The following TNFRSF10D variants were observed in gnomAD, a reference collection of about 807,000 sequenced individuals.
TNFRSF10D encodes the protein tumor necrosis factor receptor superfamily member 10D.
In TNFRSF10D, 28 loss-of-function variants were observed where a neutral mutation model predicts 42.1. That is an observed-to-expected ratio of 0.66 (90% CI 0.49 to 0.91). The LOEUF is 0.91. TNFRSF10D is among the 40% of genes least tolerant of loss of function. TNFRSF10D has a pLI of 0.00. For missense variants in TNFRSF10D, 503 were observed against 486.1 expected, an observed-to-expected ratio of 1.03 and a Z score of -0.33; for synonymous variants, 186 against 189.4, an observed-to-expected ratio of 0.98 and a Z score of 0.15.
chr8:23,147,180 G>A, intron 3 of TNFRSF10D, 108 bp from the exon 4 acceptor site: 1 of 901,846 alleles, frequency 1.1e-6, no homozygotes, highest in Non-Finnish European at 1.8e-6. Context: ...TCACCAAGGA[G>A]TTCTGAGGGC....
At chr8:23,141,437 G>A (rs764462054) in intron 7 of TNFRSF10D, among the ~76,000 whole-genome samples, 8 of 151,910 alleles carry the variant, frequency 5.3e-5, no homozygotes, top group African/African-American at 1.7e-4. Flanking sequence ...CCCGGGAGGC[G>A]GAGGTTGCAG....
chr8:23,160,246 A>G (rs569237792), intron 1 of TNFRSF10D, among the ~76,000 whole-genome samples: 102 of 152,244 alleles, frequency 6.7e-4, no homozygotes, highest in African/African-American at 2.4e-3. Context: ...CTCATTGTCT[A>G]TTTCCTGGGT....
At position 23,137,713 on chromosome 8, in the gene TNFRSF10D, C is replaced by A. The variant is rs912218956; in HGVS notation, c.*157G>T. The A allele has an allele frequency of 2.2e-6, 2 of 908,136 alleles. No homozygotes were observed. Among genetic ancestry groups the A allele is most frequent in the South Asian group, 2.1e-5 (1 of 46,984 alleles). 56.3% of individuals were successfully genotyped at this position (908,136 alleles called of 1,614,324 possible). ...TATTTCATAAAAATTACTCCAAGTG[C>A]GTTAACAAAGTTCTAGGACCATTGG... On this transcript the variant is annotated 3_prime_UTR_variant, in exon 9 of 9. Transcript: ENST00000312584.
Position 23,146,999 on chromosome 8 carries a change from A to G in TNFRSF10D, c.444T>C (p.Asp148=), listed in dbSNP as rs1193077162. Residue 148 remains aspartate, a synonymous_variant, in exon 4 of 9, where the codon GAT becomes GAC. Transcript: ENST00000312584. ...VCQCEKGSFQ[D]KNSPEMCRTC... ...TCCGGCACATCTCAGGGGAGTTTTT[A>G]TCCTGGAAGCTTCCTTTTTCACACT... The G allele has an allele frequency of 2.5e-6, 4 of 1,613,124 alleles. No individual in the cohort carries two copies. Among genetic ancestry groups the G allele is most frequent in the African/African-American group, 2.7e-5 (2 of 74,176 alleles).
chr8:23,139,255 A>C (rs918803352), intron 7 of TNFRSF10D, among the ~76,000 whole-genome samples: 7 of 151,168 alleles, frequency 4.6e-5, no homozygotes, highest in Non-Finnish European at 8.8e-5. Flanking sequence ...CACAAATCAC[A>C]ACTCAGTTAC....
intron 2 of TNFRSF10D, among the ~76,000 whole-genome samples, chr8:23,151,489 C>T (rs1023658314): frequency 1.3e-5 from 2 of 152,134 alleles, no homozygotes; most frequent in Non-Finnish European, 2.9e-5. Context: ...TGGTTAAATA[C>T]ATGGTCAAGT....
At chr8:23,152,147 T>A (rs1287715725) in intron 2 of TNFRSF10D, among the ~76,000 whole-genome samples, 862 of 152,068 alleles carry the variant, frequency 5.7e-3, no homozygotes, top group African/African-American at 0.018. Flanking sequence ...TGGAGAAGGA[T>A]GTTAGGTTCA....
intron 2 of TNFRSF10D, 86 bp from the exon 3 acceptor site, chr8:23,148,637 T>A: frequency 2.1e-6 from 2 of 941,872 alleles, no homozygotes; most frequent in East Asian, 2.6e-5. Flanking sequence ...CTTTTGGCCC[T>A]CAGTGGAATC....
At chr8:23,149,074 TA>T (rs1800173788) in intron 2 of TNFRSF10D, among the ~76,000 whole-genome samples, 1 of 147,940 alleles carries the variant, frequency 6.8e-6, no homozygotes, top group Admixed American at 6.8e-5. Flanking sequence ...CCTGTAATCC[TA>T]GCTACTCGGG....
At chr8:23,146,725 G>A (rs998892766) in intron 4 of TNFRSF10D, among the ~76,000 whole-genome samples, 6 of 151,910 alleles carry the variant, frequency 3.9e-5, no homozygotes, top group Non-Finnish European at 7.4e-5. Flanking sequence ...GAACAATTCA[G>A]CCTGGACAAA....
intron 1 of TNFRSF10D, 39 bp downstream of exon 1, chr8:23,163,747 T>G: frequency 6.3e-7 from 1 of 1,597,150 alleles, no homozygotes. Flanking sequence ...CGGCGCCAGG[T>G]GCGCTCTTCC....
At chr8:23,158,706 T>A (rs112600880) in intron 1 of TNFRSF10D, among the ~76,000 whole-genome samples, 34 of 152,372 alleles carry the variant, frequency 2.2e-4, no homozygotes, top group African/African-American at 8.2e-4. Flanking sequence ...TGACTTTTTA[T>A]GCATACCTAT....
At chr8:23,156,658 G>A (rs1343541542) in intron 1 of TNFRSF10D, among the ~76,000 whole-genome samples, 5 of 151,248 alleles carry the variant, frequency 3.3e-5, no homozygotes, top group South Asian at 2.1e-4. Context: ...TCTGCCTCCC[G>A]GGCTCAAGTG....
In TNFRSF10D at chr8:23,156,740, G is replaced by T. The variant is rs575154203; in HGVS notation, c.151-1761C>A. ...GTGCCCCAATGCCTGGGCTAATATTGGTGTATTTTATACAGCTGGGGTTTC... is the reference window on the plus strand; with the variant it reads ...GTGCCCCAATGCCTGGGCTAATATTTGTGTATTTTATACAGCTGGGGTTTC... On this transcript the variant is annotated intron_variant, in intron 1 of 8. Transcript: ENST00000312584. 2.3e-3 allele frequency among the ~76,000 whole-genome samples: 353 copies of T among 151,904 alleles called. 3 individuals carry two copies. Among genetic ancestry groups the T allele is most frequent in the African/African-American group, 8.1e-3 (334 of 41,438 alleles).
At chr8:23,155,133 T>C (rs1037159842) in intron 1 of TNFRSF10D, among the ~76,000 whole-genome samples, 154 bp from the exon 2 acceptor site, 4 of 152,188 alleles carry the variant, frequency 2.6e-5, no homozygotes, top group Admixed American at 1.3e-4. Context: ...TCCGTGTTTG[T>C]CCCCTGGCCT....
At chr8:23,138,435 T>C (rs183147858) in intron 7 of TNFRSF10D, among the ~76,000 whole-genome samples, 175 bp from the exon 8 acceptor site, 1 of 152,308 alleles carries the variant, frequency 6.6e-6, no homozygotes, top group East Asian at 1.9e-4. Flanking sequence ...TGGTGGCTCA[T>C]TGAGACATAA....
intron 3 of TNFRSF10D, 32 bp from the exon 4 acceptor site, chr8:23,147,104 GT>G (rs1563357453): frequency 1.3e-6 from 2 of 1,586,202 alleles, no homozygotes; most frequent in Admixed American, 3.3e-5. Context: ...TTGAGAATGT[GT>G]TTCCCTGACA....
chr8:23,137,009 C>T lies in TNFRSF10D; in HGVS notation c.*861G>A, dbSNP rs907028210. On this transcript the variant is annotated 3_prime_UTR_variant, in exon 9 of 9. Coordinates refer to ENST00000312584, the MANE Select transcript of TNFRSF10D (RefSeq NM_003840.5). ...GTCATTTTTGACTGCTGATTTGTAT[C>T]CAGGCAACCCATGTAAACAGCCTAA... 6.6e-6 allele frequency: 1 copy of T among 152,000 alleles called. No individual in the cohort carries two copies. Among genetic ancestry groups the T allele is most frequent in the African/African-American group, 2.4e-5 (1 of 41,374 alleles). The allele number at this position is 152,000 out of a possible 1,614,324, so 9.4% of individuals were successfully genotyped here.
chr8:23,139,916 C>G (rs1585256971), intron 7 of TNFRSF10D, among the ~76,000 whole-genome samples: 1 of 151,998 alleles, frequency 6.6e-6, no homozygotes, highest in African/African-American at 2.4e-5. Flanking sequence ...GAGGCCGAGG[C>G]AGGCGGATCA....
Sources: gnomAD v4.1 joint callset for allele counts (sites outside exome capture counted in the v4.1 genomes callset) on GRCh38, gnomAD v4.1.1 for gene constraint, MANE v1.5 for transcripts, NCBI Gene and HGNC (gene_info 2026-07-23, HGNC 2026-07-21) for gene names.